The following ANKRD30A variants were observed in gnomAD, a reference collection of about 807,000 sequenced individuals.
ANKRD30A encodes the protein ankyrin repeat domain 30A.
Under a neutral mutation model 166.3 loss-of-function variants are expected in ANKRD30A, and 170 were observed. That is an observed-to-expected ratio of 1.02 (90% CI 0.90 to 1.16). ANKRD30A has a LOEUF of 1.16. Among genes scored for constraint, ANKRD30A ranks in the 50% most tolerant of loss-of-function variants. ANKRD30A has a pLI of 0.00. For missense variants in ANKRD30A, 1,630 were observed against 1,518.0 expected, an observed-to-expected ratio of 1.07 and a Z score of -1.23; for synonymous variants, 564 against 508.9, an observed-to-expected ratio of 1.11 and a Z score of -1.46.
intron 24 of ANKRD30A, chr10:37,178,563 G>T: frequency 1.0e-6 from 1 of 979,314 alleles, no homozygotes; most frequent in Non-Finnish European, 1.2e-6. Context: ...CAACTGGATA[G>T]AAGGTCAGGA....
chr10:37,252,018 T>C, the ANKRD30A span, among the ~76,000 whole-genome samples: 3 of 152,142 alleles, frequency 2.0e-5, no homozygotes, highest in Non-Finnish European at 4.4e-5. Flanking sequence ...TTAAGATACC[T>C]GGTGTCAGGC....
At chr10:37,204,088 C>T (rs993534417) in intron 31 of ANKRD30A, among the ~76,000 whole-genome samples, 4 of 152,128 alleles carry the variant, frequency 2.6e-5, no homozygotes, top group Admixed American at 6.5e-5. Flanking sequence ...GATTCAATGC[C>T]ATCCCCATTA....
chr10:37,156,642 C>A (rs924211281), intron 13 of ANKRD30A, among the ~76,000 whole-genome samples: 8 of 152,080 alleles, frequency 5.3e-5, no homozygotes, highest in Admixed American at 1.3e-4. Context: ...TATTCATTTC[C>A]TGTCTCATGA....
At chr10:37,255,021 A>G in the ANKRD30A span, among the ~76,000 whole-genome samples, 4 of 151,986 alleles carry the variant, frequency 2.6e-5, no homozygotes, top group Non-Finnish European at 5.9e-5. Context: ...TTGAAGGACA[A>G]ATGTTCTAAT....
chr10:37,239,567 T>G, the ANKRD30A span, among the ~76,000 whole-genome samples: 29 of 152,084 alleles, frequency 1.9e-4, no homozygotes, highest in Non-Finnish European at 3.8e-4. Context: ...AAAAACCTAT[T>G]GAAGTGAAAA....
chr10:37,253,167 A>G, the ANKRD30A span, among the ~76,000 whole-genome samples: 6 of 152,312 alleles, frequency 3.9e-5, no homozygotes, highest in South Asian at 1.2e-3. Flanking sequence ...TTCAACTTGT[A>G]TCACTTCTTA....
intron 8 of ANKRD30A, among the ~76,000 whole-genome samples, chr10:37,146,846 T>A (rs1425040164): frequency 1.3e-5 from 2 of 152,140 alleles, no homozygotes; most frequent in Admixed American, 6.5e-5. Flanking sequence ...TATGACTACT[T>A]TAATTTGTTT....
intron 8 of ANKRD30A, among the ~76,000 whole-genome samples, chr10:37,146,490 C>T (rs1372123753): frequency 2.6e-5 from 4 of 152,184 alleles, no homozygotes; most frequent in African/African-American, 9.6e-5. Context: ...TGCAGGGAGT[C>T]TGTCCCTTGC....
chr10:37,142,139 T>A lies in ANKRD30A; in HGVS notation c.1242T>A (p.Pro414=), dbSNP rs764009533. The A allele has an allele frequency of 6.2e-7, 1 of 1,613,954 alleles. No homozygotes were observed. Among genetic ancestry groups the A allele is most frequent in the Admixed American group, 1.7e-5 (1 of 59,994 alleles). ...EKFTWAAKGR[P]RKIAWEKKET... ...TTACGTGGGCAGCAAAAGGAAGACC[T>A]AGGAAGATCGCATGGGAGAAAAAAG... Residue 414 remains proline (P), a synonymous_variant, in exon 7 of 36, where the codon CCT becomes CCA. Coordinates refer to ENST00000361713, the MANE Select transcript of ANKRD30A (RefSeq NM_052997.3).
intron 4 of ANKRD30A, 149 bp from the exon 5 acceptor site, chr10:37,133,767 T>A: frequency 1.1e-6 from 1 of 935,134 alleles, no homozygotes; most frequent in South Asian, 1.7e-5. Context: ...TCCTTCCTTT[T>A]AGCCTTGGTG....
intron 34 of ANKRD30A, among the ~76,000 whole-genome samples, chr10:37,223,660 T>TA (rs1842994995): frequency 6.6e-6 from 1 of 151,558 alleles, no homozygotes; most frequent in Non-Finnish European, 1.5e-5. Flanking sequence ...GGTTGTTTTT[T>TA]AAAAAATTAT....
chr10:37,164,314 C>A (rs1839134951), intron 17 of ANKRD30A, among the ~76,000 whole-genome samples: 1 of 146,284 alleles, frequency 6.8e-6, no homozygotes, highest in Non-Finnish European at 1.5e-5. Flanking sequence ...TGTCTTATGC[C>A]CCTGAGAACT....
chr10:37,265,231 T>C, the ANKRD30A span, among the ~76,000 whole-genome samples: 2 of 152,206 alleles, frequency 1.3e-5, no homozygotes, highest in Non-Finnish European at 2.9e-5. Flanking sequence ...TCAACCGTGA[T>C]GAACTGGATC....
At chr10:37,149,021 G>A (rs1837712758) in intron 9 of ANKRD30A, among the ~76,000 whole-genome samples, 2 of 151,994 alleles carry the variant, frequency 1.3e-5, no homozygotes, top group Admixed American at 1.3e-4. Flanking sequence ...AATATTGAAA[G>A]CTTATTATAG....
rs1262544414 is a variant in ANKRD30A at position 37,153,337 on chromosome 10, T to C, written c.1708-235T>C. On this transcript the variant is annotated intron_variant, in intron 12 of 35. Coordinates refer to ENST00000361713, the MANE Select transcript of ANKRD30A (RefSeq NM_052997.3). ...TTTTATCAAGGTGATTTGTTTTTCC[T>C]GCTCAGTCACTGAGTTAATGGCCAC... Among the ~76,000 whole-genome samples, 4 of 152,326 alleles carry C rather than the reference T, an allele frequency of 2.6e-5. No homozygotes were observed. In the East Asian group the frequency reaches 5.8e-4, roughly 22 times the overall value.
At chr10:37,259,342 G>T in the ANKRD30A span, among the ~76,000 whole-genome samples, 1 of 152,084 alleles carries the variant, frequency 6.6e-6, no homozygotes, top group Non-Finnish European at 1.5e-5. Context: ...AGACCAGTCT[G>T]GTCAAAATAA....
intron 15 of ANKRD30A, 33 bp downstream of exon 15, chr10:37,158,619 AG>A (rs1413093906): frequency 6.2e-7 from 1 of 1,606,458 alleles, no homozygotes; most frequent in Non-Finnish European, 8.5e-7. Flanking sequence ...TACTCTGGAA[AG>A]GAGAATATTA....
At chr10:37,149,722 T>G in intron 10 of ANKRD30A, 43 bp downstream of exon 10, 1 of 1,611,930 alleles carries the variant, frequency 6.2e-7, no homozygotes, top group South Asian at 1.1e-5. Flanking sequence ...TTATTAATTA[T>G]GTATTTGTGA....
rs1838570945 is a variant in ANKRD30A at position 37,158,576 on chromosome 10, T to G, written c.1890T>G (p.Thr630=). 6.2e-7 allele frequency: 1 copy of G among 1,612,714 alleles called. No homozygotes were observed. Among genetic ancestry groups the G allele is most frequent in the African/African-American group, 1.3e-5 (1 of 74,878 alleles). ...TKALELKDMQ[T]FKAEPPGKPS... ...CCTTAGAATTGAAGGACATGCAAAC[T>G]TTCAAAGCAGGTAAATTTTGTAATT... is the stretch of plus-strand genomic sequence containing the variant. Residue 630 remains threonine (T), a synonymous_variant, in exon 15 of 36, where the codon ACT becomes ACG. Transcript: ENST00000361713.
Sources: gnomAD v4.1 joint callset for allele counts (sites outside exome capture counted in the v4.1 genomes callset) on GRCh38, gnomAD v4.1.1 for gene constraint, MANE v1.5 for transcripts, NCBI Gene and HGNC (gene_info 2026-07-23, HGNC 2026-07-21) for gene names.